The following FBXW10 variants were observed in gnomAD, a reference collection of about 807,000 sequenced individuals.
FBXW10 encodes the protein F-box/WD repeat-containing protein 10.
FBXW10 carries 68 observed loss-of-function variants against 113.1 expected under a neutral mutation model. The ratio of observed to expected loss-of-function variants is 0.60; its 90% CI spans 0.49 to 0.74. The LOEUF (loss-of-function observed/expected upper bound fraction) is 0.74. Ranked by LOEUF, FBXW10 falls within the 30% of genes least tolerant of loss-of-function variation. FBXW10 has a pLI of 0.00. For missense variants in FBXW10, 753 were observed against 1,284.5 expected, an observed-to-expected ratio of 0.59 and a Z score of 6.32; for synonymous variants, 289 against 481.6, an observed-to-expected ratio of 0.60 and a Z score of 5.24.
In FBXW10 at chr17:18,749,603, C is replaced by T; in HGVS notation, c.671-119C>T. 5 of 1,326,110 alleles carry T rather than the reference C, an allele frequency of 3.8e-6. No individual in the cohort carries two copies. In the South Asian group the frequency reaches 4.0e-5, roughly 11 times the overall value. 82.1% of individuals were successfully genotyped at this position (1,326,110 alleles called of 1,614,324 possible). Reference sequence around the variant, plus strand: ...GAAGAGATGACAAAAATCTAGTGGCCTAAGGTTAGAGTCTGAGGAGGTTTA... The same window carrying T: ...GAAGAGATGACAAAAATCTAGTGGCTTAAGGTTAGAGTCTGAGGAGGTTTA... On this transcript the variant is annotated intron_variant, in intron 2 of 13. Transcript: ENST00000395665.
At chr17:18,754,273 G>C (rs1359493850) in intron 5 of FBXW10, among the ~76,000 whole-genome samples, 2 of 152,108 alleles carry the variant, frequency 1.3e-5, no homozygotes, top group Non-Finnish European at 2.9e-5. Flanking sequence ...ATGAGCAAGG[G>C]CCAATGAATT....
rs537513807 is a variant in FBXW10 at position 18,773,354 on chromosome 17, A to G, written c.2278+671A>G. 5.3e-5 allele frequency among the ~76,000 whole-genome samples: 8 copies of G among 152,332 alleles called. No homozygotes were observed. In the East Asian group the frequency reaches 1.2e-3, roughly 22 times the overall value. On this transcript the variant is annotated intron_variant, in intron 12 of 13. Coordinates refer to ENST00000395665, the MANE Select transcript of FBXW10 (RefSeq NM_001267585.2). ...CCCCCACCCCCCAAATTCAAAACAT[A>G]TATTACATAACTATTTCTTCAAGAC... is the stretch of plus-strand genomic sequence containing the variant.
At chr17:18,762,761 G>A (rs1314620559) in intron 7 of FBXW10, among the ~76,000 whole-genome samples, 1 of 151,912 alleles carries the variant, frequency 6.6e-6, no homozygotes, top group East Asian at 1.9e-4. Context: ...TTCTGGAAGG[G>A]AATACATCTA....
intron 12 of FBXW10, among the ~76,000 whole-genome samples, chr17:18,774,705 G>A (rs1376485005): frequency 6.6e-6 from 1 of 152,230 alleles, no homozygotes. Flanking sequence ...TGAGGCAGGA[G>A]AATCACGTGA....
At chr17:18,769,717 C>T (rs571116933) in intron 10 of FBXW10, 34 of 543,226 alleles carry the variant, frequency 6.3e-5, no homozygotes, top group African/African-American at 5.8e-4. Flanking sequence ...GTGGGGGTTG[C>T]AGTGAGCCAA....
rs139583755 is a variant in FBXW10, at chr17:18,773,578, A to T, written c.2278+895A>T. 1.2e-3 allele frequency among the ~76,000 whole-genome samples: 187 copies of T among 152,344 alleles called. 2 individuals are homozygous for T. Among genetic ancestry groups the T allele is most frequent in the African/African-American group, 4.3e-3 (177 of 41,580 alleles). On this transcript the variant is annotated intron_variant, in intron 12 of 13. Coordinates refer to ENST00000395665, the MANE Select transcript of FBXW10 (RefSeq NM_001267585.2). Reference sequence around the variant, plus strand: ...CCAAATAATACATTATGTGTGGGTTAGAGTAGCAAGACTCCTTCCTTTTAC... The same window carrying T: ...CCAAATAATACATTATGTGTGGGTTTGAGTAGCAAGACTCCTTCCTTTTAC...
chr17:18,747,502 G>A (rs1157557001), intron 1 of FBXW10, among the ~76,000 whole-genome samples: 3 of 152,114 alleles, frequency 2.0e-5, no homozygotes, highest in African/African-American at 7.2e-5. Context: ...GTTGCAGTGA[G>A]CCAAGACCGA....
At chr17:18,758,755 T>A (rs2035322644) in intron 7 of FBXW10, among the ~76,000 whole-genome samples, 2 of 148,024 alleles carry the variant, frequency 1.4e-5, no homozygotes, top group South Asian at 4.3e-4. Flanking sequence ...ATCAGAAAAA[T>A]TTTCTTTATT....
chr17:18,766,142 C>T (rs2035492899), intron 8 of FBXW10, among the ~76,000 whole-genome samples: 1 of 152,116 alleles, frequency 6.6e-6, no homozygotes, highest in South Asian at 2.1e-4. Flanking sequence ...GCAGTAAACC[C>T]ACCCCTAGCT....
At chr17:18,761,780 TAC>T (rs1169167480) in intron 7 of FBXW10, among the ~76,000 whole-genome samples, 1 of 152,228 alleles carries the variant, frequency 6.6e-6, no homozygotes, top group African/African-American at 2.4e-5. Flanking sequence ...TTAATGCCTG[TAC>T]AGTTATAATT....
Position 18,778,566 on chromosome 17 carries a change from T to C in FBXW10, c.2427T>C (p.Pro809=). 6.2e-7 allele frequency: 1 copy of C among 1,614,012 alleles called. No homozygotes were observed. Among genetic ancestry groups the C allele is most frequent in the South Asian group, 1.1e-5 (1 of 91,078 alleles). The change falls in exon 14 of 14, where the codon CCT becomes CCC. Residue 809 remains proline, a synonymous_variant. Transcript: ENST00000395665. The part of the protein sequence containing the change: ...SHPKKKSWKI[P]MSPDQFLLTV... Reference sequence around the variant, plus strand: ...CAAAGAAAAAGTCTTGGAAAATCCCTATGTCACCTGACCAATTCCTCCTGA... The same window carrying C: ...CAAAGAAAAAGTCTTGGAAAATCCCCATGTCACCTGACCAATTCCTCCTGA...
chr17:18,752,877 C>T (rs117902994), intron 5 of FBXW10, among the ~76,000 whole-genome samples: 1,981 of 152,208 alleles, frequency 0.013, 29 homozygotes, highest in Non-Finnish European at 0.021. Context: ...GAACGTGGAC[C>T]TGTTTTTGTT....
intron 5 of FBXW10, among the ~76,000 whole-genome samples, chr17:18,755,061 G>C (rs1406194490): frequency 6.6e-6 from 1 of 151,900 alleles, no homozygotes; most frequent in Admixed American, 6.6e-5. Flanking sequence ...TCAGGAGTTC[G>C]AGACCAGCCT....
chr17:18,756,124 G>C lies in FBXW10; in HGVS notation c.1202G>C (p.Gly401Ala). 6.2e-7 allele frequency: 1 copy of C among 1,613,924 alleles called. No individual in the cohort carries two copies. The highest frequency in any genetic ancestry group is 1.7e-5 in the Admixed American group (1 of 60,006). The change falls in exon 6 of 14, where the codon GGG becomes GCG. Residue 401 changes from glycine to alanine, a missense_variant. Coordinates refer to ENST00000395665, the MANE Select transcript of FBXW10 (RefSeq NM_001267585.2). The stretch of plus-strand genomic sequence containing the variant: ...ATAGAGGAGAGAAATGTTTTCTGTG[G>C]GACCTACAATGTTCGCATTCTCTCT... ...VLIEERNVFC[G>A]TYNVRILSDT... is the part of the protein sequence containing the mutation.
intron 2 of FBXW10, among the ~76,000 whole-genome samples, chr17:18,748,708 G>A (rs1430186108): frequency 6.6e-6 from 1 of 152,150 alleles, no homozygotes; most frequent in Admixed American, 6.5e-5. Context: ...GATCAGAAAG[G>A]AAACTATCAA....
chr17:18,760,760 CAAG>C (rs1407713706), intron 7 of FBXW10, among the ~76,000 whole-genome samples: 1 of 144,176 alleles, frequency 6.9e-6, no homozygotes. Flanking sequence ...GCCAGGGCAA[CAAG>C]AGCGAAACTC....
chr17:18,746,403 C>T (rs533135456), intron 1 of FBXW10, among the ~76,000 whole-genome samples: 2 of 152,104 alleles, frequency 1.3e-5, no homozygotes, highest in Admixed American at 1.3e-4. Context: ...CACATGGAGG[C>T]GTTTTGGAGT....
rs547871316 is a variant in FBXW10, at chr17:18,755,621, CCT to C, written c.1123-423_1123-422del. Among the ~76,000 whole-genome samples the C allele has an allele frequency of 8.3e-4, 126 of 152,252 alleles. 3 individuals carry two copies. Among genetic ancestry groups the C allele is most frequent in the Admixed American group, 2.2e-3 (33 of 15,292 alleles). On this transcript the variant is annotated intron_variant, in intron 5 of 13. Transcript: ENST00000395665. ...TAATTTCACAGTTGGCTTAAAATCC[CCT>C]GAGTGTGCTTTGTACTATCACGTAG...
chr17:18,774,419 T>C (rs895848689), intron 12 of FBXW10, among the ~76,000 whole-genome samples: 9 of 152,294 alleles, frequency 5.9e-5, no homozygotes, highest in Middle Eastern at 3.4e-3. Context: ...CAATAAACAA[T>C]ATGGTGTTTG....
Sources: gnomAD v4.1 joint callset for allele counts (sites outside exome capture counted in the v4.1 genomes callset) on GRCh38, gnomAD v4.1.1 for gene constraint, MANE v1.5 for transcripts, NCBI Gene and HGNC (gene_info 2026-07-23, HGNC 2026-07-21) for gene names.